The following CNTN3 variants were observed in gnomAD, a reference collection of about 807,000 sequenced individuals.
The protein encoded by CNTN3 is contactin 3, also known as contactin-3.
A neutral mutation model predicts 119.1 loss-of-function variants in CNTN3; 60 were observed. The ratio of observed to expected loss-of-function variants is 0.50; its 90% CI spans 0.41 to 0.62. The LOEUF (loss-of-function observed/expected upper bound fraction) is 0.62, where lower values mean the gene tolerates loss of function less well. Ranked by LOEUF, CNTN3 falls within the 20% of genes least tolerant of loss-of-function variation. The probability of loss-of-function intolerance (pLI) is 0.00; values close to 1 mark genes in which losing one functional copy is unlikely to be tolerated. For missense variants in CNTN3, 1,101 were observed against 1,242.4 expected, an observed-to-expected ratio of 0.89 and a Z score of 1.71; for synonymous variants, 450 against 438.7, an observed-to-expected ratio of 1.03 and a Z score of -0.32.
intron 2 of CNTN3, among the ~76,000 whole-genome samples, chr3:74,510,756 G>A (rs1003391099): frequency 6.6e-6 from 1 of 151,976 alleles, no homozygotes; most frequent in African/African-American, 2.4e-5. Flanking sequence ...AAATCTATGA[G>A]AAATCATTTA....
At chr3:74,590,816 T>C (rs1016006089) in intron 1 of CNTN3, among the ~76,000 whole-genome samples, 1 of 151,906 alleles carries the variant, frequency 6.6e-6, no homozygotes, top group Admixed American at 6.6e-5. Flanking sequence ...GTGCAACATA[T>C]CAGAAAACAC....
At chr3:74,604,982 T>C (rs1270951446) in intron 1 of CNTN3, among the ~76,000 whole-genome samples, 2 of 152,164 alleles carry the variant, frequency 1.3e-5, no homozygotes, top group African/African-American at 4.8e-5. Context: ...AAGGAAATTA[T>C]TTCAATTGTG....
At chr3:74,451,340 T>C (rs557316579) in intron 4 of CNTN3, among the ~76,000 whole-genome samples, 1,595 of 152,174 alleles carry the variant, frequency 0.01, 20 homozygotes, top group Middle Eastern at 0.044. Flanking sequence ...TCATGTCCAT[T>C]GCCCCCTTTT....
chr3:74,270,894 T>C (rs748732514), intron 20 of CNTN3, among the ~76,000 whole-genome samples: 1 of 152,150 alleles, frequency 6.6e-6, no homozygotes, highest in African/African-American at 2.4e-5. Flanking sequence ...AAAAAACTAA[T>C]CCTAGTAAAA....
At chr3:74,535,880 G>A (rs1330982161) in intron 1 of CNTN3, among the ~76,000 whole-genome samples, 3 of 152,044 alleles carry the variant, frequency 2.0e-5, no homozygotes, top group Non-Finnish European at 4.4e-5. Context: ...GCTGCAGCCC[G>A]TCTTGAAACC....
At chr3:74,499,608 CA>C in intron 3 of CNTN3, 50 bp downstream of exon 3, 1 of 1,550,368 alleles carries the variant, frequency 6.5e-7, no homozygotes, top group South Asian at 1.2e-5. Flanking sequence ...ACAATCACCA[CA>C]TAAGTGTGTT....
chr3:74,408,656 C>G (rs915075249), intron 5 of CNTN3, among the ~76,000 whole-genome samples: 2 of 151,956 alleles, frequency 1.3e-5, no homozygotes, highest in Admixed American at 1.3e-4. Flanking sequence ...TGTATTAAAC[C>G]TTTGTAATTA....
chr3:74,353,867 C>A (rs1559560082), intron 11 of CNTN3, among the ~76,000 whole-genome samples: 1 of 152,030 alleles, frequency 6.6e-6, no homozygotes, highest in Non-Finnish European at 1.5e-5. Flanking sequence ...CAGATGAATG[C>A]AGTCATGTCA....
At chr3:74,322,908 T>C (rs995205906) in intron 13 of CNTN3, among the ~76,000 whole-genome samples, 2 of 152,214 alleles carry the variant, frequency 1.3e-5, no homozygotes, top group African/African-American at 4.8e-5. Flanking sequence ...CTATATACTA[T>C]ATGAGTCCAA....
At chr3:74,595,393 C>T (rs1176482700) in intron 1 of CNTN3, among the ~76,000 whole-genome samples, 68 of 151,950 alleles carry the variant, frequency 4.5e-4, no homozygotes, top group African/African-American at 1.5e-3. Context: ...AATGGTAATG[C>T]CTAGGTTTTC....
At chr3:74,390,387 T>C (rs1162100951) in intron 5 of CNTN3, among the ~76,000 whole-genome samples, 1 of 151,406 alleles carries the variant, frequency 6.6e-6, no homozygotes, top group Non-Finnish European at 1.5e-5. Context: ...TTTTTTTTTT[T>C]TAGAAAAGGC....
At chr3:74,609,509 A>G (rs1194064491) in intron 1 of CNTN3, among the ~76,000 whole-genome samples, 2 of 152,222 alleles carry the variant, frequency 1.3e-5, no homozygotes, top group Non-Finnish European at 2.9e-5. Context: ...CCCCAATGAT[A>G]GCTAAAGGAA....
intron 19 of CNTN3, among the ~76,000 whole-genome samples, chr3:74,290,906 TA>T (rs547420992): frequency 0.013 from 1,910 of 152,160 alleles, 24 homozygotes; most frequent in South Asian, 0.025. Context: ...TTTACTTTTT[TA>T]TTTTTTTTAT....
At chr3:74,533,912 G>C (rs1350911585) in intron 1 of CNTN3, among the ~76,000 whole-genome samples, 1 of 151,978 alleles carries the variant, frequency 6.6e-6, no homozygotes, top group Non-Finnish European at 1.5e-5. Context: ...CTAGGGGTTA[G>C]GGTTTAGTGA....
chr3:74,546,428 C>G (rs2107153976), intron 1 of CNTN3, among the ~76,000 whole-genome samples: 1 of 152,288 alleles, frequency 6.6e-6, no homozygotes, highest in Middle Eastern at 3.4e-3. Flanking sequence ...ACATTTGAGT[C>G]AGTGGACTGG....
chr3:74,392,544 G>A (rs374233096), intron 5 of CNTN3, among the ~76,000 whole-genome samples: 5 of 152,142 alleles, frequency 3.3e-5, no homozygotes, highest in East Asian at 1.9e-4. Flanking sequence ...ATATTAGGTC[G>A]AGAGAATATT....
chr3:74,460,554 T>A (rs567107163), intron 4 of CNTN3, among the ~76,000 whole-genome samples: 36 of 151,818 alleles, frequency 2.4e-4, no homozygotes, highest in African/African-American at 8.0e-4. Context: ...AAATTTGTAA[T>A]TGATATTGTG....
rs1398160504 is a variant in CNTN3 at position 74,295,254 on chromosome 3, T to G, written c.2402-18A>C. On this transcript the variant is annotated intron_variant, in intron 18 of 22. Coordinates refer to ENST00000263665, the MANE Select transcript of CNTN3 (RefSeq NM_020872.3). The stretch of plus-strand genomic sequence containing the variant: ...TGTAGGCTCTGTTCGGAAACAGAAA[T>G]TGAAATATGATGATAATTTTGGCAG... The G allele has an allele frequency of 7.3e-7, 1 of 1,376,792 alleles. No individual in the cohort carries two copies. Among genetic ancestry groups the G allele is most frequent in the Admixed American group, 1.8e-5 (1 of 55,598 alleles). The allele number at this position is 1,376,792 out of a possible 1,614,324, so 85.3% of individuals were successfully genotyped here.
At chr3:74,496,174 G>C (rs1703059548) in intron 3 of CNTN3, among the ~76,000 whole-genome samples, 1 of 152,096 alleles carries the variant, frequency 6.6e-6, no homozygotes, top group Non-Finnish European at 1.5e-5. Context: ...TCTTGAGCTA[G>C]ACTAAAAGTT....
Sources: allele counts gnomAD v4.1 joint callset (sites outside exome capture counted in the v4.1 genomes callset), GRCh38; gene constraint gnomAD v4.1.1; transcripts MANE v1.5; gene names NCBI Gene and HGNC (gene_info 2026-07-23, HGNC 2026-07-21).